Variants in TEX9 observed in about 807,000 individuals in gnomAD.
The protein encoded by TEX9 is testis-expressed protein 9.
A neutral mutation model predicts 59.6 loss-of-function variants in TEX9; 74 were observed. The observed-to-expected ratio is 1.24, with a 90% CI of 1.03 to 1.51. The LOEUF (loss-of-function observed/expected upper bound fraction) is 1.51, where lower values mean the gene tolerates loss of function less well. Among genes scored for constraint, TEX9 ranks in the 40% most tolerant of loss-of-function variants. TEX9 has a pLI of 0.00. For missense variants in TEX9, 522 were observed against 447.8 expected (o/e 1.17, Z -1.49); for synonymous variants, 186 against 152.2 (o/e 1.22, Z -1.64).
chr15:56,251,528 A>G (rs1427339368), intron 1 of TEX9, among the ~76,000 whole-genome samples: 2 of 152,126 alleles, frequency 1.3e-5, no homozygotes, highest in African/African-American at 4.8e-5. Flanking sequence ...CCTTTTTTGG[A>G]GAGTATGAAT....
intron 10 of TEX9, among the ~76,000 whole-genome samples, chr15:56,415,197 C>T (rs2049611177): frequency 6.6e-6 from 1 of 151,424 alleles, no homozygotes; most frequent in East Asian, 1.9e-4. Flanking sequence ...TCTTTTTACT[C>T]TGCCGATCAT....
chr15:56,365,130 G>A (rs544819502), upstream of TEX9, among the ~76,000 whole-genome samples: 164 of 152,354 alleles, frequency 1.1e-3, 1 homozygote, highest in Non-Finnish European at 2.0e-3. Context: ...GCACAACAGG[G>A]AGGGATTGCC....
intron 1 of TEX9, among the ~76,000 whole-genome samples, chr15:56,298,699 A>T (rs1187903450): frequency 6.6e-6 from 1 of 151,962 alleles, no homozygotes; most frequent in African/African-American, 2.4e-5. Context: ...TCATTCTTTA[A>T]TCCTCCCAAC....
At chr15:56,346,755 A>C (rs1259106965) in intron 1 of TEX9, among the ~76,000 whole-genome samples, 1 of 152,228 alleles carries the variant, frequency 6.6e-6, no homozygotes. Context: ...AGAAAAGGAA[A>C]TTAAACGCAT....
At chr15:56,283,583 T>A (rs1286601644) in intron 1 of TEX9, among the ~76,000 whole-genome samples, 1 of 152,172 alleles carries the variant, frequency 6.6e-6, no homozygotes, top group African/African-American at 2.4e-5. Context: ...AGATTCTCAC[T>A]TCACGTCTAG....
At chr15:56,300,722 A>G (rs1006242777) in intron 1 of TEX9, among the ~76,000 whole-genome samples, 1 of 149,722 alleles carries the variant, frequency 6.7e-6, no homozygotes, top group South Asian at 2.1e-4. Context: ...AGAGAGAGAG[A>G]GAGAGAGAGA....
At chr15:56,333,377 A>G (rs1482070486) in intron 1 of TEX9, among the ~76,000 whole-genome samples, 1 of 152,076 alleles carries the variant, frequency 6.6e-6, no homozygotes, top group Non-Finnish European at 1.5e-5. Context: ...AAATCAATCA[A>G]TGTGATACAT....
At chr15:56,339,522 C>A (rs551641757) in intron 1 of TEX9, among the ~76,000 whole-genome samples, 1 of 151,020 alleles carries the variant, frequency 6.6e-6, no homozygotes, top group Non-Finnish European at 1.5e-5. Context: ...TTGAAAACAA[C>A]GCATATGCCA....
At chr15:56,435,696 T>C (rs1275008788) in intron 12 of TEX9, among the ~76,000 whole-genome samples, 1 of 151,974 alleles carries the variant, frequency 6.6e-6, no homozygotes, top group Non-Finnish European at 1.5e-5. Context: ...TCCTCCAAAA[T>C]AAAACCCCAA....
chr15:56,446,308 C>G (rs1264622638), downstream of TEX9, among the ~76,000 whole-genome samples: 1 of 151,930 alleles, frequency 6.6e-6, no homozygotes, highest in Non-Finnish European at 1.5e-5. Flanking sequence ...TATATTCATA[C>G]AGCAAAGCAC....
At chr15:56,430,120 GA>G (rs2050536661) in intron 12 of TEX9, 2 of 152,100 alleles carry the variant, frequency 1.3e-5, no homozygotes, top group South Asian at 4.1e-4. Context: ...TGATTCTACT[GA>G]ATAAAATATG....
intron 1 of TEX9, among the ~76,000 whole-genome samples, chr15:56,301,463 A>G (rs1370218331): frequency 6.6e-6 from 1 of 152,172 alleles, no homozygotes; most frequent in Non-Finnish European, 1.5e-5. Flanking sequence ...AGCAGATTTA[A>G]CCAAAAGAAG....
intron 9 of TEX9, among the ~76,000 whole-genome samples, chr15:56,400,396 T>C (rs1450925521): frequency 1.3e-5 from 2 of 152,020 alleles, no homozygotes; most frequent in Non-Finnish European, 2.9e-5. Flanking sequence ...GGATTGAAGA[T>C]CTAATTAATG....
intron 1 of TEX9, among the ~76,000 whole-genome samples, chr15:56,271,995 T>G (rs1028902173): frequency 6.6e-6 from 1 of 151,860 alleles, no homozygotes; most frequent in Non-Finnish European, 1.5e-5. Context: ...AAAAACAAAA[T>G]TAGCTGGGCA....
chr15:56,390,298 G>T (rs1375410318), intron 6 of TEX9, among the ~76,000 whole-genome samples: 2 of 151,672 alleles, frequency 1.3e-5, no homozygotes, highest in African/African-American at 4.8e-5. Flanking sequence ...AGCACAATAG[G>T]GTGACGATAG....
intron 10 of TEX9, among the ~76,000 whole-genome samples, chr15:56,422,608 A>G (rs1171336791): frequency 1.3e-5 from 2 of 151,772 alleles, no homozygotes; most frequent in Non-Finnish European, 2.9e-5. Context: ...TGCTATTGTC[A>G]TATGTTTTAT....
the TEX9 span, chr15:56,456,527 C>A: frequency 6.2e-7 from 1 of 1,604,670 alleles, no homozygotes. Context: ...TCTGCCTGAA[C>A]GAAAAATTTA....
At chr15:56,444,394 T>A (rs761536915) in intron 12 of TEX9, 2 of 1,479,358 alleles carry the variant, frequency 1.4e-6, no homozygotes, top group Admixed American at 4.0e-5. Flanking sequence ...AAACCTGTGA[T>A]ATATCTAAAG....
upstream of TEX9, among the ~76,000 whole-genome samples, chr15:56,361,519 T>C (rs2046788634): frequency 6.6e-6 from 1 of 152,186 alleles, no homozygotes; most frequent in Admixed American, 6.5e-5. Flanking sequence ...GTTTTGTTAT[T>C]GATTTTTAGT....
Sources: allele counts gnomAD v4.1 joint callset (sites outside exome capture counted in the v4.1 genomes callset), GRCh38; gene constraint gnomAD v4.1.1; transcripts MANE v1.5; gene names NCBI Gene and HGNC (gene_info 2026-07-23, HGNC 2026-07-21).